Variants in PALS1 observed in about 807,000 individuals in gnomAD.
PALS1 encodes the protein protein PALS1.
A neutral mutation model predicts 78.9 loss-of-function variants in PALS1; 31 were observed. That is an observed-to-expected ratio of 0.39 (90% CI 0.30 to 0.53). The LOEUF (loss-of-function observed/expected upper bound fraction) is 0.53, where lower values mean the gene tolerates loss of function less well. Among genes scored for constraint, PALS1 ranks in the 20% least tolerant of loss-of-function variants. The pLI is 0.67. For synonymous variants in PALS1, 276 were observed against 270.9 expected (o/e 1.02, Z -0.18); for missense variants, 704 against 826.5 (o/e 0.85, Z 1.82).
rs1271725689 is a variant in PALS1, at chr14:67,279,044, G to T, written c.-127G>T. On this transcript the variant is annotated 5_prime_UTR_variant, in exon 3 of 15. The change abolishes the stop of an existing upstream ORF in the 5' untranslated region. Coordinates refer to ENST00000261681, the MANE Select transcript of PALS1 (RefSeq NM_022474.4). Reference sequence around the variant, plus strand: ...TTTCCTTCATGGATACTTTTTCATAGCATTATTATGTGATGTGAGAAGTTT... The same window carrying T: ...TTTCCTTCATGGATACTTTTTCATATCATTATTATGTGATGTGAGAAGTTT... 1.2e-5 allele frequency: 10 copies of T among 827,370 alleles called. No individual in the cohort carries two copies. The highest frequency in any genetic ancestry group is 5.8e-5 in the South Asian group (2 of 34,352). 51.3% of individuals were successfully genotyped at this position (827,370 alleles called of 1,614,324 possible).
At chr14:67,266,193 T>G (rs1413830235) in intron 1 of PALS1, among the ~76,000 whole-genome samples, 1 of 152,176 alleles carries the variant, frequency 6.6e-6, no homozygotes, top group Non-Finnish European at 1.5e-5. Context: ...AATATATATT[T>G]ATTTAAAAGT....
intron 1 of PALS1, among the ~76,000 whole-genome samples, chr14:67,252,838 G>T (rs1164376220): frequency 6.6e-6 from 1 of 152,164 alleles, no homozygotes; most frequent in Non-Finnish European, 1.5e-5. Flanking sequence ...TTCTGTTCTA[G>T]TCATCTCCCA....
intron 1 of PALS1, among the ~76,000 whole-genome samples, chr14:67,254,033 C>CG (rs985546426): frequency 1.3e-4 from 18 of 143,080 alleles, no homozygotes; most frequent in Middle Eastern, 3.8e-3. Context: ...CATCCCCCCC[C>CG]CCTTACAAGT....
intron 1 of PALS1, among the ~76,000 whole-genome samples, chr14:67,252,930 C>T (rs2084088329): frequency 1.3e-5 from 2 of 152,222 alleles, no homozygotes; most frequent in South Asian, 4.1e-4. Flanking sequence ...GGAAATCTAA[C>T]ACTTTCACAT....
At chr14:67,280,846 T>TCCCAC (rs1567518273) in intron 3 of PALS1, among the ~76,000 whole-genome samples, 41 of 127,768 alleles carry the variant, frequency 3.2e-4, no homozygotes, top group African/African-American at 1.3e-3. Context: ...CTTCCTTCCT[T>TCCCAC]CCTTCCTTCC....
chr14:67,286,855 CAAA>C (rs201923149), intron 3 of PALS1, among the ~76,000 whole-genome samples: 5 of 67,192 alleles, frequency 7.4e-5, no homozygotes, highest in Admixed American at 1.6e-4. Flanking sequence ...GACCTGGTCT[CAAA>C]AAAAAAAAAA....
At chr14:67,300,412 C>T (rs910373143) in intron 4 of PALS1, among the ~76,000 whole-genome samples, 8 of 151,088 alleles carry the variant, frequency 5.3e-5, no homozygotes, top group Admixed American at 2.6e-4. Context: ...ACTGCAACCT[C>T]TACCTCCTGG....
At chr14:67,266,562 G>A (rs1026022207) in intron 1 of PALS1, among the ~76,000 whole-genome samples, 3 of 152,122 alleles carry the variant, frequency 2.0e-5, no homozygotes, top group African/African-American at 4.8e-5. Flanking sequence ...CTGACCTCAA[G>A]TGATCCACAT....
In PALS1 at chr14:67,322,247, C is replaced by T. The variant is rs1414943354; in HGVS notation, c.1740+988C>T. 2.0e-5 allele frequency among the ~76,000 whole-genome samples: 3 copies of T among 152,046 alleles called. No homozygotes were observed. The East Asian group carries it at 5.8e-4, about 29-fold the overall frequency. On this transcript the variant is annotated intron_variant, in intron 13 of 14. Coordinates refer to ENST00000261681, the MANE Select transcript of PALS1 (RefSeq NM_022474.4). ...CCTGTGGTCCCAGCTGCTTGGGAGGCTGGGGTGGGAAAATCGCCTGAGCCA... is the reference window on the plus strand; with the variant it reads ...CCTGTGGTCCCAGCTGCTTGGGAGGTTGGGGTGGGAAAATCGCCTGAGCCA...
chr14:67,270,047 A>G (rs958072734), intron 2 of PALS1: 7 of 152,184 alleles, frequency 4.6e-5, no homozygotes, highest in African/African-American at 7.2e-5. Flanking sequence ...CTCTGCCTAA[A>G]AATTAAGATA....
At chr14:67,287,306 G>GTT (rs75316443) in intron 3 of PALS1, among the ~76,000 whole-genome samples, 15 of 149,264 alleles carry the variant, frequency 1.0e-4, no homozygotes, top group East Asian at 3.9e-4. Context: ...CATTTCCTTA[G>GTT]TTTTTTTTTT....
intron 14 of PALS1, among the ~76,000 whole-genome samples, chr14:67,326,861 T>A (rs2085366460): frequency 6.6e-6 from 1 of 152,170 alleles, no homozygotes; most frequent in Non-Finnish European, 1.5e-5. Context: ...TATCCATTCT[T>A]CAGTTAAAAA....
At chr14:67,298,530 T>A (rs891411182) in intron 4 of PALS1, among the ~76,000 whole-genome samples, 12 of 148,416 alleles carry the variant, frequency 8.1e-5, no homozygotes, top group East Asian at 2.0e-4. Context: ...AAAAAAAAAA[T>A]ACTATTATAA....
intron 3 of PALS1, among the ~76,000 whole-genome samples, chr14:67,280,721 T>C (rs2084589728): frequency 6.6e-6 from 1 of 152,102 alleles, no homozygotes; most frequent in Non-Finnish European, 1.5e-5. Flanking sequence ...CTTTTTCTAA[T>C]TTGGCCAAAG....
intron 8 of PALS1, among the ~76,000 whole-genome samples, chr14:67,304,392 C>T (rs951524100): frequency 1.2e-4 from 18 of 152,084 alleles, no homozygotes; most frequent in Non-Finnish European, 2.1e-4. Flanking sequence ...GTAGTAACAA[C>T]CCAAATGTCT....
chr14:67,302,083 A>G lies in PALS1; in HGVS notation c.766A>G (p.Ile256Val). The change falls in exon 6 of 15, where the codon ATA becomes GTA. Residue 256 changes from isoleucine (I) to valine (V), a missense_variant. Transcript: ENST00000261681. ...CCAGTATGGAGGAGAAACTGTAAAA[A>G]TAGTTCGTATAGAAAAGGCTCGTGA... ...IGQYGGETVK[I>V]VRIEKARDIP... 6.2e-7 allele frequency: 1 copy of G among 1,608,002 alleles called. No homozygotes were observed. The highest frequency in any genetic ancestry group is 8.5e-7 in the Non-Finnish European group (1 of 1,177,240).
chr14:67,331,132 C>T (rs2085443530), intron 14 of PALS1, among the ~76,000 whole-genome samples: 1 of 152,152 alleles, frequency 6.6e-6, no homozygotes, highest in Non-Finnish European at 1.5e-5. Context: ...GCAACCTCTG[C>T]TTCCTGGGTT....
intron 11 of PALS1, among the ~76,000 whole-genome samples, chr14:67,318,985 G>T (rs938413613): frequency 2.0e-5 from 3 of 151,898 alleles, no homozygotes; most frequent in African/African-American, 7.3e-5. Context: ...GTGAACCCGG[G>T]AGGCGGAGCT....
chr14:67,328,662 T>G (rs2085396935), intron 14 of PALS1, among the ~76,000 whole-genome samples: 1 of 152,218 alleles, frequency 6.6e-6, no homozygotes, highest in African/African-American at 2.4e-5. Flanking sequence ...GTATAAGGTG[T>G]AAGGAAGGGA....
Sources: allele counts gnomAD v4.1 joint callset (sites outside exome capture counted in the v4.1 genomes callset), GRCh38; gene constraint gnomAD v4.1.1; transcripts MANE v1.5; gene names NCBI Gene and HGNC (gene_info 2026-07-23, HGNC 2026-07-21).